The following SAV1 variants were observed in gnomAD, a reference collection of about 807,000 sequenced individuals.
SAV1 encodes the protein protein salvador homolog 1.
SAV1 carries 23 observed loss-of-function variants against 47.3 expected under a neutral mutation model. The observed-to-expected ratio is 0.49, with a 90% CI of 0.35 to 0.69. The LOEUF (loss-of-function observed/expected upper bound fraction) is 0.69, where lower values mean the gene tolerates loss of function less well. Ranked by LOEUF, SAV1 falls within the 30% of genes least tolerant of loss-of-function variation. SAV1 has a pLI of 0.01. For missense variants in SAV1, 448 were observed against 457.4 expected, an observed-to-expected ratio of 0.98 and a Z score of 0.19; for synonymous variants, 155 against 159.2, an observed-to-expected ratio of 0.97 and a Z score of 0.20.
chr14:50,652,113 G>C (rs950243046), intron 2 of SAV1, among the ~76,000 whole-genome samples: 1 of 152,082 alleles, frequency 6.6e-6, no homozygotes, highest in African/African-American at 2.4e-5. Flanking sequence ...AAGATTTTCA[G>C]TATGAGAAAA....
At chr14:50,637,039 C>T (rs531622461) in intron 4 of SAV1, among the ~76,000 whole-genome samples, 8 of 152,074 alleles carry the variant, frequency 5.3e-5, no homozygotes, top group African/African-American at 1.4e-4. Flanking sequence ...GAAAACATAC[C>T]GAGCAGTTAG....
At chr14:50,642,860 G>A (rs1190722069) in intron 3 of SAV1, among the ~76,000 whole-genome samples, 2 of 152,160 alleles carry the variant, frequency 1.3e-5, no homozygotes, top group Non-Finnish European at 2.9e-5. Context: ...AGTACAACTG[G>A]GGGTGAAGAA....
At chr14:50,665,093 GTCCC>G in intron 2 of SAV1, 82 bp downstream of exon 2, 1 of 1,463,584 alleles carries the variant, frequency 6.8e-7, no homozygotes. Flanking sequence ...ATTTGTTCGT[GTCCC>G]AAGAAAATCT....
At chr14:50,641,820 T>C (rs955641552) in intron 3 of SAV1, among the ~76,000 whole-genome samples, 11 of 152,318 alleles carry the variant, frequency 7.2e-5, no homozygotes, top group Non-Finnish European at 1.3e-4. Context: ...TCAAAGAACT[T>C]AGAACTATCA....
intron 3 of SAV1, among the ~76,000 whole-genome samples, chr14:50,641,282 T>C (rs912521053): frequency 2.6e-5 from 4 of 152,112 alleles, no homozygotes; most frequent in Admixed American, 6.5e-5. Flanking sequence ...GCAGTGAGTA[T>C]TGTGTTTGAA....
chr14:50,645,641 T>C (rs1395956515), intron 2 of SAV1, among the ~76,000 whole-genome samples: 1 of 152,008 alleles, frequency 6.6e-6, no homozygotes, highest in Non-Finnish European at 1.5e-5. Context: ...AATCAACCTG[T>C]GGCAGTAAAG....
intron 2 of SAV1, chr14:50,662,740 A>C (rs2039870567): frequency 6.6e-6 from 1 of 152,260 alleles, no homozygotes; most frequent in Non-Finnish European, 1.5e-5. Context: ...GAAAAGTATT[A>C]CAAGCTATCA....
Position 50,668,263 on chromosome 14 carries a change from CAGGG to C in SAV1, c.-300_-297del, listed in dbSNP as rs2039923371. 5.3e-6 allele frequency: 1 copy of C among 188,920 alleles called. No individual in the cohort carries two copies. The highest frequency in any genetic ancestry group is 1.9e-4 in the South Asian group (1 of 5,344). 11.7% of individuals were successfully genotyped at this position (188,920 alleles called of 1,614,324 possible). A position where few individuals can be genotyped will look rare whatever the true frequency, so the allele number is the denominator to read the frequency against. On this transcript the variant is annotated 5_prime_UTR_variant, in exon 1 of 5. An upstream open reading frame in the 5' UTR gains an earlier in-frame stop. Coordinates refer to ENST00000324679, the MANE Select transcript of SAV1 (RefSeq NM_021818.4). ...AAGCCCAGCGACGCCGGGCCAGGGCCAGGGCCATGGTCCGCCGCGGGCCGCCGAA... is the reference window on the plus strand; with the variant it reads ...AAGCCCAGCGACGCCGGGCCAGGGCCCCATGGTCCGCCGCGGGCCGCCGAA...
chr14:50,656,809 C>T (rs1313771822), intron 2 of SAV1, among the ~76,000 whole-genome samples: 1 of 152,050 alleles, frequency 6.6e-6, no homozygotes, highest in South Asian at 2.1e-4. Flanking sequence ...GATAATTTTA[C>T]AAAATCTATT....
chr14:50,667,317 G>A (rs966587614), intron 1 of SAV1: 17 of 405,764 alleles, frequency 4.2e-5, no homozygotes, highest in Non-Finnish European at 7.4e-5. Flanking sequence ...TTGGCTCTCT[G>A]CTCTGCTGTG....
intron 2 of SAV1, among the ~76,000 whole-genome samples, chr14:50,659,808 C>T (rs1211954578): frequency 1.3e-5 from 2 of 152,168 alleles, no homozygotes; most frequent in African/African-American, 4.8e-5. Flanking sequence ...CATGCTACTG[C>T]ACTACAGCCC....
At chr14:50,641,463 A>G (rs528221828) in intron 3 of SAV1, among the ~76,000 whole-genome samples, 2 of 152,210 alleles carry the variant, frequency 1.3e-5, no homozygotes, top group East Asian at 3.9e-4. Context: ...ATTATATGGG[A>G]AAGTGTAAGG....
In SAV1 at chr14:50,635,022, T is replaced by A. The variant is rs1266999165; in HGVS notation, c.*161A>T. On this transcript the variant is annotated 3_prime_UTR_variant, in exon 5 of 5. Coordinates refer to ENST00000324679, the MANE Select transcript of SAV1 (RefSeq NM_021818.4). The stretch of plus-strand genomic sequence containing the variant: ...AAAATGATAGACTAATTTTTCTCAT[T>A]CAATAAAAGAAAATTTCTAATAACA... 3 of 614,950 alleles carry A rather than the reference T, an allele frequency of 4.9e-6. No individual in the cohort carries two copies. The highest frequency in any genetic ancestry group is 8.4e-6 in the Non-Finnish European group (3 of 356,700). 38.1% of individuals were successfully genotyped at this position (614,950 alleles called of 1,614,324 possible).
chr14:50,645,295 A>G lies in SAV1; in HGVS notation c.536-281T>C, dbSNP rs369392573. Among the ~76,000 whole-genome samples, 8 of 152,282 alleles carry G rather than the reference A, an allele frequency of 5.3e-5. No homozygotes were observed. In the East Asian group the frequency reaches 1.4e-3, roughly 26 times the overall value. On this transcript the variant is annotated intron_variant, in intron 2 of 4. Coordinates refer to ENST00000324679, the MANE Select transcript of SAV1 (RefSeq NM_021818.4). Reference sequence around the variant, plus strand: ...ACTTAACAACAGGTTGAGCATCCCTAATCCAAAAATCTGAAATTTGAAATG... The same window carrying G: ...ACTTAACAACAGGTTGAGCATCCCTGATCCAAAAATCTGAAATTTGAAATG...
In SAV1 at chr14:50,635,126, T is replaced by C. The variant is rs565746709; in HGVS notation, c.*57A>G. 4.7e-5 allele frequency: 64 copies of C among 1,352,974 alleles called. 1 individual carries two copies. The South Asian group carries it at 7.2e-4, about 15-fold the overall frequency. The allele number at this position is 1,352,974 out of a possible 1,614,324, so 83.8% of individuals were successfully genotyped here. On this transcript the variant is annotated 3_prime_UTR_variant, in exon 5 of 5. Transcript: ENST00000324679. ...TAACCAGAGTACTTGTTTGCAATTT[T>C]TTATCTGTGAAAATATTTTAAAGCT...
In SAV1 at chr14:50,668,204, C is replaced by G; in HGVS notation, c.-237G>C. 1 of 249,028 alleles carries G rather than the reference C, an allele frequency of 4.0e-6. No individual in the cohort carries two copies. The highest frequency in any genetic ancestry group is 1.6e-4 in the South Asian group (1 of 6,388). The allele number at this position is 249,028 out of a possible 1,614,324, so 15.4% of individuals were successfully genotyped here. Reference sequence around the variant, plus strand: ...GTCAGTTCCTTCCCGGAAGTCGGCCCGCTCTGCGACGCTGCTCGGGGACGC... The same window carrying G: ...GTCAGTTCCTTCCCGGAAGTCGGCCGGCTCTGCGACGCTGCTCGGGGACGC... On this transcript the variant is annotated 5_prime_UTR_variant, in exon 1 of 5. Transcript: ENST00000324679.
In SAV1 at chr14:50,668,012, G is replaced by A. The variant is rs768711185; in HGVS notation, c.-45C>T. On this transcript the variant is annotated 5_prime_UTR_variant, in exon 1 of 5. Transcript: ENST00000324679. ...GGCCGCGCTGAACTGCCTCCCTAGG[G>A]CTCCGCGCCGGGCGCCGGCCGTCTC... The A allele has an allele frequency of 7.1e-5, 102 of 1,430,686 alleles. No homozygotes were observed. The highest frequency in any genetic ancestry group is 1.6e-4 in the Admixed American group (7 of 42,560). The allele number at this position is 1,430,686 out of a possible 1,614,324, so 88.6% of individuals were successfully genotyped here.
chr14:50,665,410 T>C lies in SAV1; in HGVS notation c.304A>G (p.Ser102Gly). The change falls in exon 2 of 5, where the codon AGT becomes GGT. Residue 102 changes from serine (S) to glycine (G), a missense_variant. By Grantham distance (56) the Ser-to-Gly change is moderately conservative. Coordinates refer to ENST00000324679, the MANE Select transcript of SAV1 (RefSeq NM_021818.4). ...TACTCTCTAGGGACATCTGCTAGACTTCTGGCAAGATAAGAAGGTGCAGAT... is the reference window on the plus strand; with the variant it reads ...TACTCTCTAGGGACATCTGCTAGACCTCTGGCAAGATAAGAAGGTGCAGAT... ...RLSAPSYLAR[S>G]LADVPREYGS... is the part of the protein sequence containing the mutation. 6.2e-7 allele frequency: 1 copy of C among 1,612,800 alleles called. No individual in the cohort carries two copies.
At chr14:50,650,157 A>T (rs2039755460) in intron 2 of SAV1, among the ~76,000 whole-genome samples, 1 of 152,250 alleles carries the variant, frequency 6.6e-6, no homozygotes. Flanking sequence ...GGTTATTGGC[A>T]TGTGGTTTAA....
Sources: gnomAD v4.1 joint callset for allele counts (sites outside exome capture counted in the v4.1 genomes callset) on GRCh38, gnomAD v4.1.1 for gene constraint, MANE v1.5 for transcripts, NCBI Gene and HGNC (gene_info 2026-07-23, HGNC 2026-07-21) for gene names.